Variants in IFT88 observed in about 807,000 individuals in gnomAD.
The protein encoded by IFT88 is intraflagellar transport protein 88 homolog.
In IFT88, 74 loss-of-function variants were observed where a neutral mutation model predicts 119.5. That is an observed-to-expected ratio of 0.62 (90% confidence interval 0.51 to 0.75). The LOEUF is 0.75. Ranked by LOEUF, IFT88 falls within the 30% of genes least tolerant of loss-of-function variation. The pLI is 0.00. For missense variants in IFT88, 961 were observed against 977.7 expected (o/e 0.98, Z 0.23); for synonymous variants, 279 against 316.7 (o/e 0.88, Z 1.26).
At chr13:20,582,844 A>T (rs924793762) in intron 2 of IFT88, 113 bp from the exon 3 acceptor site, 1 of 732,306 alleles carries the variant, frequency 1.4e-6, no homozygotes, top group Non-Finnish European at 2.3e-6. Context: ...AGATGTCAAC[A>T]GTTGGCAATA....
chr13:20,591,549 G>C (rs1050722601), intron 5 of IFT88, 69 bp from the exon 6 acceptor site: 2 of 1,149,922 alleles, frequency 1.7e-6, no homozygotes, highest in Admixed American at 4.0e-5. Context: ...TAAGGTGTGT[G>C]TAATGTGCAG....
chr13:20,567,643 C>A, intron 1 of IFT88: 2 of 712,040 alleles, frequency 2.8e-6, no homozygotes, highest in Non-Finnish European at 3.6e-6. Flanking sequence ...AGAGATGGTG[C>A]ACATCGCTCT....
At chr13:20,669,014 C>T (rs1025761539) in intron 23 of IFT88, among the ~76,000 whole-genome samples, 1 of 152,044 alleles carries the variant, frequency 6.6e-6, no homozygotes, top group African/African-American at 2.4e-5. Flanking sequence ...GAGCTGTTTC[C>T]CCAGCACAGT....
At chr13:20,647,833 C>T (rs78614045) in intron 20 of IFT88, among the ~76,000 whole-genome samples, 2,494 of 152,116 alleles carry the variant, frequency 0.016, 65 homozygotes, top group African/African-American at 0.057. Context: ...GACATGAATC[C>T]AGAAGTCTGC....
intron 14 of IFT88, among the ~76,000 whole-genome samples, chr13:20,619,669 T>C (rs759051220): frequency 1.6e-4 from 24 of 152,086 alleles, no homozygotes; most frequent in Non-Finnish European, 2.4e-4. Context: ...TAAATGCTCC[T>C]ATCAATATTA....
Position 20,690,779 on chromosome 13 carries a change from A to G in IFT88, c.2317A>G (p.Asn773Asp). The change falls in exon 25 of 26, where the codon AAT becomes GAT. Residue 773 changes from asparagine (N) to aspartate (D), a missense_variant. Coordinates refer to ENST00000351808, the MANE Select transcript of IFT88 (RefSeq NM_006531.5). ...SARLRALPGT[N>D]EPYESSSNKE... is the part of the protein sequence containing the mutation. The stretch of plus-strand genomic sequence containing the variant: ...CAGACTCAGAGCTTTACCTGGGACA[A>G]ATGAACCTTATGAAAGTAGCAGTAA... 1 of 1,613,740 alleles carries G rather than the reference A, an allele frequency of 6.2e-7. No individual in the cohort carries two copies.
intron 13 of IFT88, chr13:20,607,315 A>G (rs2043659897): frequency 4.2e-6 from 2 of 472,360 alleles, no homozygotes; most frequent in African/African-American, 2.0e-5. Context: ...AGTACTTCGC[A>G]TCCCTGTCAG....
intron 22 of IFT88, among the ~76,000 whole-genome samples, chr13:20,660,520 G>C (rs1189830326): frequency 6.6e-6 from 1 of 152,216 alleles, no homozygotes; most frequent in East Asian, 1.9e-4. Flanking sequence ...GATTGTTTTG[G>C]CTGCTGTATG....
intron 1 of IFT88, among the ~76,000 whole-genome samples, chr13:20,569,129 A>G (rs886339931): frequency 1.3e-5 from 2 of 152,184 alleles, no homozygotes; most frequent in African/African-American, 4.8e-5. Flanking sequence ...ATTAACTCAA[A>G]ATGGATCAAT....
chr13:20,659,207 TTTC>T (rs1297709710), intron 22 of IFT88, among the ~76,000 whole-genome samples: 4 of 152,194 alleles, frequency 2.6e-5, no homozygotes, highest in Non-Finnish European at 5.9e-5. Flanking sequence ...ACATTAAGTG[TTTC>T]TGGCTGTGCG....
chr13:20,586,828 C>G (rs1346300428), intron 3 of IFT88, among the ~76,000 whole-genome samples: 1 of 152,140 alleles, frequency 6.6e-6, no homozygotes, highest in Non-Finnish European at 1.5e-5. Flanking sequence ...TAAAGTTCAC[C>G]TAACAACTTT....
intron 1 of IFT88, among the ~76,000 whole-genome samples, chr13:20,571,075 C>A (rs1187596136): frequency 6.6e-6 from 1 of 152,070 alleles, no homozygotes; most frequent in African/African-American, 2.4e-5. Flanking sequence ...CCCACTGCAA[C>A]CTCCGCCTCC....
chr13:20,568,018 A>G (rs1336138217), intron 1 of IFT88: 2 of 713,838 alleles, frequency 2.8e-6, no homozygotes, highest in African/African-American at 3.5e-5. Flanking sequence ...AGCTTTAAAA[A>G]AAATCGCAAA....
At chr13:20,670,523 C>CTTTTTTTTTT (rs56143632) in intron 23 of IFT88, among the ~76,000 whole-genome samples, 1 of 94,976 alleles carries the variant, frequency 1.1e-5, no homozygotes, top group Non-Finnish European at 2.1e-5. Context: ...CTCAGCTTAC[C>CTTTTTTTTTT]TTTTTTTTTT....
intron 2 of IFT88, among the ~76,000 whole-genome samples, chr13:20,581,342 G>A (rs778513591): frequency 1.6e-4 from 25 of 152,158 alleles, no homozygotes; most frequent in Non-Finnish European, 3.1e-4. Flanking sequence ...TTTGTTGACT[G>A]TCCTTTTTAG....
intron 9 of IFT88, among the ~76,000 whole-genome samples, chr13:20,598,285 G>A (rs535510684): frequency 1.2e-4 from 19 of 152,170 alleles, no homozygotes; most frequent in African/African-American, 4.3e-4. Context: ...TAGACTTTAA[G>A]GTTTAAGATA....
intron 1 of IFT88, among the ~76,000 whole-genome samples, chr13:20,572,905 C>T (rs4522279): frequency 0.4 from 61,212 of 151,962 alleles, 14,019 homozygotes; most frequent in Middle Eastern, 0.52. Context: ...AGGCTTCTTT[C>T]ACTCAGCATA....
chr13:20,634,570 A>G (rs1302743587), intron 16 of IFT88, among the ~76,000 whole-genome samples: 1 of 152,018 alleles, frequency 6.6e-6, no homozygotes, highest in Admixed American at 6.6e-5. Context: ...TACCAAAAAT[A>G]TAAAAAATTA....
At chr13:20,685,179 G>A (rs2057760156) in intron 24 of IFT88, among the ~76,000 whole-genome samples, 1 of 152,208 alleles carries the variant, frequency 6.6e-6, no homozygotes, top group Non-Finnish European at 1.5e-5. Context: ...ATTATCTGCA[G>A]CAAAAACACG....
Sources: gnomAD v4.1 joint callset for allele counts (sites outside exome capture counted in the v4.1 genomes callset) on GRCh38, gnomAD v4.1.1 for gene constraint, MANE v1.5 for transcripts, NCBI Gene and HGNC (gene_info 2026-07-23, HGNC 2026-07-21) for gene names.